Variants in ENTREP2 observed in about 807,000 individuals in gnomAD.
ENTREP2 encodes the protein endosomal transmembrane epsin interactor 2.
the ENTREP2 span, among the ~76,000 whole-genome samples, chr15:29,370,470 G>T: frequency 3.3e-5 from 5 of 152,072 alleles, no homozygotes; most frequent in Non-Finnish European, 5.9e-5. Context: ...GAGTAGCAAA[G>T]AATTAGCAAA....
chr15:29,159,820 A>G, the ENTREP2 span, among the ~76,000 whole-genome samples: 1 of 152,238 alleles, frequency 6.6e-6, no homozygotes, highest in South Asian at 2.1e-4. Context: ...CCTTAGCTAG[A>G]CATAAAGGTT....
the ENTREP2 span, among the ~76,000 whole-genome samples, chr15:29,663,286 A>G: frequency 6.6e-6 from 1 of 151,744 alleles, no homozygotes; most frequent in Non-Finnish European, 1.5e-5. Flanking sequence ...TTGGGAGGCC[A>G]AGGCGGGCGG....
chr15:29,419,727 A>G, the ENTREP2 span, among the ~76,000 whole-genome samples: 2 of 152,238 alleles, frequency 1.3e-5, no homozygotes, highest in African/African-American at 4.8e-5. Flanking sequence ...CCTTCAAAGA[A>G]GTAACAAAAA....
chr15:29,217,240 T>G, the ENTREP2 span, among the ~76,000 whole-genome samples: 1 of 152,136 alleles, frequency 6.6e-6, no homozygotes, highest in African/African-American at 2.4e-5. Context: ...GGGAGTCAGC[T>G]TGCAGAAGTT....
At chr15:29,451,796 T>G in the ENTREP2 span, among the ~76,000 whole-genome samples, 1 of 152,184 alleles carries the variant, frequency 6.6e-6, no homozygotes, top group African/African-American at 2.4e-5. Flanking sequence ...CCCCTGCAAG[T>G]CCTGCTCACT....
chr15:29,657,483 CGGGGGGGGGGGGT>C, the ENTREP2 span, among the ~76,000 whole-genome samples: 2 of 69,382 alleles, frequency 2.9e-5, no homozygotes, highest in East Asian at 3.8e-4. Context: ...GCTGGGGGGG[CGGGGGGGGGGGGT>C]GGCCAGCTTT....
At chr15:29,648,935 T>TA in the ENTREP2 span, among the ~76,000 whole-genome samples, 691 of 137,034 alleles carry the variant, frequency 5.0e-3, no homozygotes, top group African/African-American at 8.7e-3. Flanking sequence ...GCGAAAACTC[T>TA]AAAAAAAAAA....
At chr15:29,535,889 G>T in the ENTREP2 span, among the ~76,000 whole-genome samples, 4 of 152,038 alleles carry the variant, frequency 2.6e-5, no homozygotes, top group Non-Finnish European at 5.9e-5. Flanking sequence ...TGAAGCACTG[G>T]CTACAATCCC....
chr15:29,673,331 C>T, the ENTREP2 span, among the ~76,000 whole-genome samples: 226 of 152,300 alleles, frequency 1.5e-3, 1 homozygote, highest in Middle Eastern at 6.8e-3. Context: ...CTAAGAATGC[C>T]TAACCTCCTG....
chr15:29,154,058 A>G, the ENTREP2 span, among the ~76,000 whole-genome samples: 1 of 152,144 alleles, frequency 6.6e-6, no homozygotes, highest in South Asian at 2.1e-4. Flanking sequence ...CATTTTCCAA[A>G]TGTTGTTAGT....
At chr15:29,476,064 C>T in the ENTREP2 span, among the ~76,000 whole-genome samples, 1 of 152,182 alleles carries the variant, frequency 6.6e-6, no homozygotes, top group African/African-American at 2.4e-5. Context: ...AGTCCAACAA[C>T]CTGAAATGCA....
the ENTREP2 span, among the ~76,000 whole-genome samples, chr15:29,572,499 T>C: frequency 6.6e-6 from 1 of 151,970 alleles, no homozygotes; most frequent in African/African-American, 2.4e-5. Flanking sequence ...CATCCGTTCA[T>C]TCATTCCTCC....
At chr15:29,564,830 G>A in the ENTREP2 span, among the ~76,000 whole-genome samples, 1 of 152,184 alleles carries the variant, frequency 6.6e-6, no homozygotes, top group South Asian at 2.1e-4. Flanking sequence ...TGGGGAGAGA[G>A]TCCCCAACAC....
chr15:29,631,666 G>T, the ENTREP2 span, among the ~76,000 whole-genome samples: 1 of 152,272 alleles, frequency 6.6e-6, no homozygotes, highest in Non-Finnish European at 1.5e-5. Flanking sequence ...AGGGCTTAAA[G>T]AATCATTTTC....
the ENTREP2 span, among the ~76,000 whole-genome samples, chr15:29,306,867 T>C: frequency 4.0e-5 from 6 of 151,790 alleles, no homozygotes; most frequent in Admixed American, 2.0e-4. Context: ...AACCTCAGCC[T>C]CCTGAGTAGC....
chr15:29,577,510 T>A, the ENTREP2 span, among the ~76,000 whole-genome samples: 1 of 152,072 alleles, frequency 6.6e-6, no homozygotes, highest in Non-Finnish European at 1.5e-5. Flanking sequence ...CGCACCACCG[T>A]GCCTGACTAA....
chr15:29,302,769 A>T, the ENTREP2 span, among the ~76,000 whole-genome samples: 1 of 152,168 alleles, frequency 6.6e-6, no homozygotes. Flanking sequence ...AAGGCGTGTC[A>T]ATTTTGGAAC....
chr15:29,346,775 A>G, the ENTREP2 span, among the ~76,000 whole-genome samples: 5 of 152,162 alleles, frequency 3.3e-5, no homozygotes, highest in African/African-American at 1.2e-4. Flanking sequence ...TAAATTATAA[A>G]TAACAGTAAA....
the ENTREP2 span, among the ~76,000 whole-genome samples, chr15:29,364,491 T>C: frequency 6.6e-6 from 1 of 152,164 alleles, no homozygotes; most frequent in Non-Finnish European, 1.5e-5. Flanking sequence ...TACACAGAAA[T>C]GGTCGGATTT....
Sources: gnomAD v4.1 joint callset for allele counts (sites outside exome capture counted in the v4.1 genomes callset) on GRCh38, gnomAD v4.1.1 for gene constraint, MANE v1.5 for transcripts, NCBI Gene and HGNC (gene_info 2026-07-23, HGNC 2026-07-21) for gene names.